PPP2R2B: variants seen among roughly 807,000 people sequenced by gnomAD.
PPP2R2B encodes protein phosphatase 2 regulatory subunit Bbeta.
In PPP2R2B, 5 loss-of-function variants were observed where a neutral mutation model predicts 46.0. That is an observed-to-expected ratio of 0.11 (90% confidence interval 0.06 to 0.23). The LOEUF is 0.23. PPP2R2B is among the 10% of genes least tolerant of loss of function. The probability of loss-of-function intolerance (pLI) is 1.00; values close to 1 mark genes in which losing one functional copy is unlikely to be tolerated. For synonymous variants in PPP2R2B, 215 were observed against 206.7 expected, an observed-to-expected ratio of 1.04 and a Z score of -0.34; for missense variants, 367 against 575.0, an observed-to-expected ratio of 0.64 and a Z score of 3.70.
At chr5:146,776,887 C>T (rs1755217389) in intron 2 of PPP2R2B, among the ~76,000 whole-genome samples, 1 of 151,960 alleles carries the variant, frequency 6.6e-6, no homozygotes, top group Non-Finnish European at 1.5e-5. Flanking sequence ...CCAATATGTA[C>T]ATGAAAAGAT....
rs957054184 is a variant in PPP2R2B, at chr5:146,878,074, A to C, written c.-3T>G. On this transcript the variant is annotated 5_prime_UTR_variant, in exon 2 of 10. Transcript: ENST00000394411. This position sits in a 1 kb window ranked among gnomAD's most constrained non-coding sequence, Gnocchi z 4.5. ...CGGGTATCAATGTCCTCCTCCATTG[A>C]CAGCAGGCTTACTTGCGTGGGAACC... 3 of 1,614,160 alleles carry C rather than the reference A, an allele frequency of 1.9e-6. No homozygotes were observed. In the Admixed American group the frequency reaches 5.0e-5, roughly 27 times the overall value.
chr5:146,869,682 G>A (rs142202392), intron 2 of PPP2R2B, among the ~76,000 whole-genome samples: 105 of 152,334 alleles, frequency 6.9e-4, no homozygotes, highest in African/African-American at 2.2e-3. Flanking sequence ...AGTGGGATGG[G>A]CATGGGATGG....
chr5:146,673,306 GTAA>G (rs1777491631), intron 5 of PPP2R2B, among the ~76,000 whole-genome samples: 1 of 19,022 alleles, frequency 5.3e-5, no homozygotes, highest in African/African-American at 6.7e-5. Flanking sequence ...TTTCTGTAAA[GTAA>G]GTACAAATGT....
chr5:146,980,735 G>T (rs918636150), intron 1 of PPP2R2B, among the ~76,000 whole-genome samples: 1 of 152,052 alleles, frequency 6.6e-6, no homozygotes, highest in Non-Finnish European at 1.5e-5. Context: ...GTAATTTGAG[G>T]CTATATGTTG....
intron 1 of PPP2R2B, among the ~76,000 whole-genome samples, chr5:146,995,891 A>T (rs1231275885): frequency 1.3e-5 from 2 of 152,212 alleles, no homozygotes; most frequent in Non-Finnish European, 2.9e-5. Context: ...CCAGAACTTC[A>T]TAAGGTTTTC....
chr5:146,899,420 A>G (rs1159744496), intron 1 of PPP2R2B, among the ~76,000 whole-genome samples: 1 of 144,056 alleles, frequency 6.9e-6, no homozygotes, highest in Non-Finnish European at 1.5e-5. Flanking sequence ...TGGGAATTGA[A>G]CAATGAGATC....
chr5:146,629,254 C>T (rs956537971), intron 7 of PPP2R2B, among the ~76,000 whole-genome samples: 1 of 152,202 alleles, frequency 6.6e-6, no homozygotes, highest in Admixed American at 6.5e-5. Flanking sequence ...CTTGGTCTTT[C>T]CATGCCAAAA....
At chr5:146,872,330 G>A (rs1026283533) in intron 2 of PPP2R2B, among the ~76,000 whole-genome samples, 3 of 152,092 alleles carry the variant, frequency 2.0e-5, no homozygotes, top group East Asian at 1.9e-4. Flanking sequence ...TTCTCACCTC[G>A]CATTTCAGGT....
chr5:146,728,735 T>A (rs543743184), intron 2 of PPP2R2B, among the ~76,000 whole-genome samples: 101 of 152,328 alleles, frequency 6.6e-4, no homozygotes, highest in African/African-American at 2.4e-3. Flanking sequence ...TGAGATCTGA[T>A]GGGTTTATCA....
chr5:146,672,018 T>C (rs1002654783), intron 5 of PPP2R2B, among the ~76,000 whole-genome samples: 2 of 152,214 alleles, frequency 1.3e-5, no homozygotes, highest in Admixed American at 1.3e-4. Flanking sequence ...ATGAGCTCTT[T>C]TTTAAACACA....
intron 5 of PPP2R2B, among the ~76,000 whole-genome samples, chr5:146,690,824 AG>A (rs1778803530): frequency 1.3e-5 from 2 of 152,238 alleles, no homozygotes; most frequent in African/African-American, 4.8e-5. Context: ...TCAGTACAGA[AG>A]GTGCTCAAGA....
In PPP2R2B at chr5:146,809,568, G is replaced by A. The variant is rs534697185; in HGVS notation, c.70+68434C>T. Among the ~76,000 whole-genome samples, 6 of 152,288 alleles carry A rather than the reference G, an allele frequency of 3.9e-5. No homozygotes were observed. The South Asian group carries it at 1.2e-3, about 32-fold the overall frequency. ...AGTGGTCAGAGAAGACCCTCTCTGA[G>A]GAAATGACGTATCAGCTAAAACTGG... is the stretch of plus-strand genomic sequence containing the variant. On this transcript the variant is annotated intron_variant, in intron 2 of 9. Transcript: ENST00000394411.
intron 1 of PPP2R2B, among the ~76,000 whole-genome samples, chr5:147,005,369 C>T (rs915005090): frequency 6.6e-6 from 1 of 152,200 alleles, no homozygotes; most frequent in African/African-American, 2.4e-5. Flanking sequence ...ACTAGTGGCA[C>T]TTACCCGAGC....
Position 146,585,792 on chromosome 5 carries a change from G to T in PPP2R2B, c.*4155C>A, listed in dbSNP as rs1219101729. On this transcript the variant is annotated 3_prime_UTR_variant, in exon 10 of 10. Coordinates refer to ENST00000394411, the MANE Select transcript of PPP2R2B (RefSeq NM_181675.4). ...ATGGTGCTTTAAACCTATCAAAATA[G>T]TTGTAAGTAAATGGATTTCTTGTTC... The T allele has an allele frequency of 1.3e-5, 2 of 152,212 alleles. No individual in the cohort carries two copies. Among genetic ancestry groups the T allele is most frequent in the Non-Finnish European group, 2.9e-5 (2 of 68,044 alleles). 9.4% of individuals were successfully genotyped at this position (152,212 alleles called of 1,614,324 possible). A position where few individuals can be genotyped will look rare whatever the true frequency, so the allele number is the denominator to read the frequency against.
At chr5:146,934,693 T>C (rs1254205606) in intron 1 of PPP2R2B, among the ~76,000 whole-genome samples, 1 of 151,676 alleles carries the variant, frequency 6.6e-6, no homozygotes, top group Non-Finnish European at 1.5e-5. Flanking sequence ...AGCCTAAAAT[T>C]TAAAACTAAA....
Position 146,794,483 on chromosome 5 carries a change from A to T in PPP2R2B, c.70+83519T>A, listed in dbSNP as rs550097303. 6.6e-5 allele frequency among the ~76,000 whole-genome samples: 10 copies of T among 152,344 alleles called. No individual in the cohort carries two copies. In the South Asian group the frequency reaches 2.1e-3, roughly 32 times the overall value. ...TTAACTTATGCTAACAAGTGACTGT[A>T]CTTACAATAAACTGCCACAGCAGAG... On this transcript the variant is annotated intron_variant, in intron 2 of 9. Transcript: ENST00000394411.
intron 1 of PPP2R2B, among the ~76,000 whole-genome samples, chr5:146,990,729 C>T (rs574005294): frequency 6.6e-6 from 1 of 151,992 alleles, no homozygotes; most frequent in East Asian, 1.9e-4. Flanking sequence ...TAATATCAAA[C>T]TAAAAAACTT....
At chr5:146,985,199 T>C (rs545300291) in intron 1 of PPP2R2B, among the ~76,000 whole-genome samples, 1 of 152,084 alleles carries the variant, frequency 6.6e-6, no homozygotes, top group Admixed American at 6.5e-5. Flanking sequence ...TTTTGTGTTT[T>C]TAGTAGAGAC....
intron 1 of PPP2R2B, among the ~76,000 whole-genome samples, chr5:147,018,041 G>A (rs12515824): frequency 4.6e-3 from 78 of 16,926 alleles, no homozygotes; most frequent in African/African-American, 0.011. Flanking sequence ...ATGCATGCGC[G>A]CGCACACACA....
Sources: gnomAD v4.1 joint callset for allele counts (sites outside exome capture counted in the v4.1 genomes callset) on GRCh38, gnomAD v4.1.1 for gene constraint, Gnocchi (gnomAD v3.1) non-coding constraint, MANE v1.5 for transcripts, NCBI Gene and HGNC (gene_info 2026-07-23, HGNC 2026-07-21) for gene names.